Variants in LHPP observed in about 807,000 individuals in gnomAD.
The protein encoded by LHPP is phospholysine phosphohistidine inorganic pyrophosphate phosphatase.
In LHPP, 24 loss-of-function variants were observed where a neutral mutation model predicts 30.3. The observed-to-expected ratio is 0.79, with a 90% CI of 0.57 to 1.11. LHPP has a LOEUF of 1.11. LHPP is among the 50% of genes most tolerant of loss of function. LHPP has a pLI of 0.00. For missense variants in LHPP, 356 were observed against 367.2 expected (o/e 0.97, Z 0.25); for synonymous variants, 150 against 157.1 (o/e 0.95, Z 0.34).
chr10:124,518,423 T>C (rs1296128512), intron 6 of LHPP, among the ~76,000 whole-genome samples: 2 of 152,224 alleles, frequency 1.3e-5, no homozygotes, highest in Non-Finnish European at 2.9e-5. Flanking sequence ...GAGCCTGGTC[T>C]TGCTGCTGCT....
At chr10:124,507,969 G>T (rs1472127092) in intron 5 of LHPP, among the ~76,000 whole-genome samples, 1 of 151,430 alleles carries the variant, frequency 6.6e-6, no homozygotes, top group Non-Finnish European at 1.5e-5. Context: ...CGCACCCTCA[G>T]AACTGCCTGT....
intron 3 of LHPP, 89 bp downstream of exon 3, chr10:124,488,664 C>G: frequency 1.7e-6 from 2 of 1,208,504 alleles, no homozygotes; most frequent in Non-Finnish European, 2.3e-6. Flanking sequence ...GAGAAGGATG[C>G]AGAAGGGGAG....
At chr10:124,612,225 G>A (rs1239201749) in intron 6 of LHPP, among the ~76,000 whole-genome samples, 6 of 152,244 alleles carry the variant, frequency 3.9e-5, no homozygotes, top group African/African-American at 1.4e-4. Context: ...CCAACATGGC[G>A]AAACCCTATC....
chr10:124,515,103 C>T (rs1463832222), intron 5 of LHPP, among the ~76,000 whole-genome samples: 1 of 152,210 alleles, frequency 6.6e-6, no homozygotes, highest in African/African-American at 2.4e-5. Context: ...TGCCCCAGCT[C>T]ATCTCACTTT....
At position 124,594,580 on chromosome 10, in the gene LHPP, G is replaced by A. The variant is rs542585288; in HGVS notation, c.717-18684G>A. On this transcript the variant is annotated intron_variant, in intron 6 of 6. Coordinates refer to ENST00000368842, the MANE Select transcript of LHPP (RefSeq NM_022126.4). ...AGGGTCGAACGTCTCCTTTTCTATC[G>A]TAAATATCTCTGCAATTCCTATAGC... is the stretch of plus-strand genomic sequence containing the variant. 1.1e-4 allele frequency among the ~76,000 whole-genome samples: 16 copies of A among 151,420 alleles called. No individual in the cohort carries two copies. The East Asian group carries it at 1.2e-3, about 11-fold the overall frequency.
intron 6 of LHPP, among the ~76,000 whole-genome samples, chr10:124,601,236 C>T (rs2134011473): frequency 6.6e-6 from 1 of 152,284 alleles, no homozygotes; most frequent in South Asian, 2.1e-4. Flanking sequence ...CAGGCTGGGC[C>T]CGCCTTGCCC....
intron 5 of LHPP, among the ~76,000 whole-genome samples, chr10:124,506,647 G>A (rs912115180): frequency 2.1e-5 from 3 of 144,810 alleles, no homozygotes; most frequent in Non-Finnish European, 4.5e-5. Context: ...TAGGGAGGTG[G>A]GGAGGGTAGG....
In LHPP at chr10:124,481,372, C is replaced by CTT. The variant is rs151061576; in HGVS notation, c.126-2767_126-2766insTT. ...GGAATCGTGCCTGGCTTATCTGCCC[C>CTT]CTTTTTTTTTTTTTTTTTTTTTGCG... On this transcript the variant is annotated intron_variant, in intron 1 of 6. Coordinates refer to ENST00000368842, the MANE Select transcript of LHPP (RefSeq NM_022126.4). Among the ~76,000 whole-genome samples, 6 of 88,980 alleles carry CTT rather than the reference C, an allele frequency of 6.7e-5. No homozygotes were observed. In the East Asian group the frequency reaches 2.1e-3, roughly 31 times the overall value. The allele number at this position is 88,980 out of a possible 152,430, so 58.4% of individuals were successfully genotyped here.
At position 124,498,826 on chromosome 10, in the gene LHPP, C is replaced by G. The variant is rs974437449; in HGVS notation, c.624+698C>G. ...CCCCTTACTAACCAGGCCCCCCCCC[C>G]GCCAACCCCAACTGAGTAGCTGGGA... On this transcript the variant is annotated intron_variant, in intron 5 of 6. Coordinates refer to ENST00000368842, the MANE Select transcript of LHPP (RefSeq NM_022126.4). 4.4e-5 allele frequency: 16 copies of G among 361,204 alleles called. No individual in the cohort carries two copies. The East Asian group carries it at 1.1e-3, about 25-fold the overall frequency. The allele number at this position is 361,204 out of a possible 1,614,324, so 22.4% of individuals were successfully genotyped here.
At chr10:124,512,941 G>A (rs997679614) in intron 5 of LHPP, among the ~76,000 whole-genome samples, 8 of 152,272 alleles carry the variant, frequency 5.3e-5, no homozygotes, top group Admixed American at 3.9e-4. Flanking sequence ...CCAAATCTAT[G>A]GGACACACAC....
At chr10:124,604,436 G>T (rs111456542) in intron 6 of LHPP, among the ~76,000 whole-genome samples, 4 of 152,208 alleles carry the variant, frequency 2.6e-5, no homozygotes, top group Non-Finnish European at 5.9e-5. Context: ...ATGGGCACAG[G>T]CCTAGTGTGT....
At position 124,517,185 on chromosome 10, in the gene LHPP, C is replaced by A. The variant is rs527764618; in HGVS notation, c.630C>A (p.Val210=). Reference sequence around the variant, plus strand: ...GTATTTCACTGCCGTGACAGGCCGTCATGATTGGGGACGATATCGTGGGCG... The same window carrying A: ...GTATTTCACTGCCGTGACAGGCCGTAATGATTGGGGACGATATCGTGGGCG... ...QAIGVEAHQA[V]MIGDDIVGDV... Residue 210 remains valine, a synonymous_variant, in exon 6 of 7, where the codon GTC becomes GTA. Transcript: ENST00000368842. This position sits in a 1 kb window ranked among gnomAD's most constrained non-coding sequence, Gnocchi z 4.1. 5.6e-6 allele frequency: 9 copies of A among 1,602,686 alleles called. No individual in the cohort carries two copies. The highest frequency in any genetic ancestry group is 3.3e-4 in the Middle Eastern group (2 of 6,032).
At chr10:124,551,839 G>A (rs1180416415) in intron 6 of LHPP, among the ~76,000 whole-genome samples, 4 of 152,110 alleles carry the variant, frequency 2.6e-5, no homozygotes, top group South Asian at 2.1e-4. Flanking sequence ...CTCTGACCTC[G>A]CTCCAGCCTG....
At chr10:124,518,330 C>T (rs1426186819) in intron 6 of LHPP, among the ~76,000 whole-genome samples, 1 of 152,244 alleles carries the variant, frequency 6.6e-6, no homozygotes, top group Non-Finnish European at 1.5e-5. Context: ...AGACCCCACT[C>T]ACAAGCCACA....
At chr10:124,526,955 C>T (rs901374866) in intron 6 of LHPP, among the ~76,000 whole-genome samples, 1 of 152,220 alleles carries the variant, frequency 6.6e-6, no homozygotes, top group African/African-American at 2.4e-5. Flanking sequence ...CTGTGGCCAC[C>T]GTCCTAGCCA....
At chr10:124,525,441 TC>T (rs1954710041) in intron 6 of LHPP, among the ~76,000 whole-genome samples, 1 of 152,094 alleles carries the variant, frequency 6.6e-6, no homozygotes, top group African/African-American at 2.4e-5. Flanking sequence ...ACCCTGTTGC[TC>T]CCCGCCCCGA....
chr10:124,461,896 C>T lies in LHPP; in HGVS notation c.34C>T (p.Arg12Cys), dbSNP rs371210856. 1.2e-5 allele frequency: 15 copies of T among 1,257,044 alleles called. No individual in the cohort carries two copies. The highest frequency in any genetic ancestry group is 1.2e-5 in the Non-Finnish European group (12 of 997,740). The allele number at this position is 1,257,044 out of a possible 1,614,324, so 77.9% of individuals were successfully genotyped here. Residue 12 changes from arginine (R) to cysteine (C), a missense_variant, in exon 1 of 7, where the codon CGC becomes TGC. Transcript: ENST00000368842. ...GTGGGGCAAGCGGCTGGCTGGCGTGCGCGGGGTGCTGCTTGACATCTCGGG... is the reference window on the plus strand; with the variant it reads ...GTGGGGCAAGCGGCTGGCTGGCGTGTGCGGGGTGCTGCTTGACATCTCGGG... ...APWGKRLAGV[R>C]GVLLDISGVL...
chr10:124,589,789 AG>A lies in LHPP; in HGVS notation c.717-23472del, dbSNP rs113580793. Among the ~76,000 whole-genome samples the A allele has an allele frequency of 3.3e-4, 50 of 152,296 alleles. 1 individual carries two copies. The highest frequency in any genetic ancestry group is 1.2e-3 in the African/African-American group (49 of 41,556). ...GAGGTCGGCTCTCGTTCAGGCCTGC[AG>A]GGTCCCTGGTGCCGCAGCCCCTCTG... On this transcript the variant is annotated intron_variant, in intron 6 of 6. Transcript: ENST00000368842.
At chr10:124,606,085 C>T (rs1384048988) in intron 6 of LHPP, among the ~76,000 whole-genome samples, 1 of 152,180 alleles carries the variant, frequency 6.6e-6, no homozygotes, top group Non-Finnish European at 1.5e-5. Context: ...GAAGCAGGTC[C>T]TCAGCCAGAG....
Sources: gnomAD v4.1 joint callset for allele counts (sites outside exome capture counted in the v4.1 genomes callset) on GRCh38, gnomAD v4.1.1 for gene constraint, Gnocchi (gnomAD v3.1) non-coding constraint, MANE v1.5 for transcripts, NCBI Gene and HGNC (gene_info 2026-07-23, HGNC 2026-07-21) for gene names.